RACK1: variants seen among roughly 807,000 people sequenced by gnomAD.
RACK1 encodes receptor for activated C kinase 1.
A neutral mutation model predicts 42.2 loss-of-function variants in RACK1; 3 were observed. The observed-to-expected ratio is 0.07, with a 90% CI of 0.03 to 0.18. RACK1 has a LOEUF of 0.18. RACK1 is among the 10% of genes least tolerant of loss of function. The pLI, the probability that RACK1 is intolerant of heterozygous loss-of-function variation, is 1.00. For synonymous variants in RACK1, 181 were observed against 154.8 expected (o/e 1.17, Z -1.25); for missense variants, 146 against 403.2 (o/e 0.36, Z 5.46).
At chr5:181,242,623 T>G (rs960791484) in intron 1 of RACK1, 2 of 486,530 alleles carry the variant, frequency 4.1e-6, no homozygotes, top group Non-Finnish European at 4.0e-6. Flanking sequence ...AGTGGCATGA[T>G]CTCGGCTCAC....
rs1283510738 is a variant in RACK1, at chr5:181,243,850, G to A, written c.-50C>T. On this transcript the variant is annotated 5_prime_UTR_variant, in exon 1 of 8. Transcript: ENST00000512805. ...TGCAGCGACGAGGATGGCACTGGAT[G>A]GCTTAGAGAAACTAGCACCACAACC... 1 of 1,547,928 alleles carries A rather than the reference G, an allele frequency of 6.5e-7. No homozygotes were observed.
Position 181,243,818 on chromosome 5 carries a change from G to A in RACK1, c.-18C>T, listed in dbSNP as rs369560198. 1.3e-6 allele frequency: 2 copies of A among 1,591,828 alleles called. No individual in the cohort carries two copies. Among genetic ancestry groups the A allele is most frequent in the East Asian group, 2.3e-5 (1 of 43,886 alleles). On this transcript the variant is annotated 5_prime_UTR_variant, in exon 1 of 8. Transcript: ENST00000512805. ...TCAGTCATGGCGGCGGCGAGAGCGT[G>A]TGTCGCTGCAGCGACGAGGATGGCA... is the stretch of plus-strand genomic sequence containing the variant.
intron 1 of RACK1, 52 bp downstream of exon 1, chr5:181,243,640 G>A: frequency 1.3e-6 from 2 of 1,545,892 alleles, no homozygotes; most frequent in Non-Finnish European, 1.7e-6. Flanking sequence ...CACGACACGC[G>A]GAATCCCCCA....
chr5:181,240,309 C>T (rs770656122), intron 3 of RACK1: 65 of 156,018 alleles, frequency 4.2e-4, no homozygotes, highest in Non-Finnish European at 8.1e-4. Context: ...GAGCCGAGAT[C>T]GCACTACTGC....
chr5:181,242,867 GA>G (rs1349797636), intron 1 of RACK1: 1 of 329,712 alleles, frequency 3.0e-6, no homozygotes, highest in East Asian at 9.0e-5. Flanking sequence ...CCTGTATCCT[GA>G]GAACTTAATT....
chr5:181,238,809 CAAAA>C (rs1011732504), intron 5 of RACK1: 33 of 447,802 alleles, frequency 7.4e-5, no homozygotes, highest in South Asian at 2.3e-4. Flanking sequence ...AAAAAAAAAA[CAAAA>C]AACAAACAAA....
chr5:181,239,025 C>T lies in RACK1; in HGVS notation c.636+42G>A, dbSNP rs751361972. 80 of 1,271,474 alleles carry T rather than the reference C, an allele frequency of 6.3e-5. No individual in the cohort carries two copies. In the East Asian group the frequency reaches 1.0e-3, roughly 17 times the overall value. 78.8% of individuals were successfully genotyped at this position (1,271,474 alleles called of 1,614,324 possible). A position where few individuals can be genotyped will look rare whatever the true frequency, so the allele number is the denominator to read the frequency against. The stretch of plus-strand genomic sequence containing the variant: ...CGCTGGCTAAGTGCTCCTTCCATGA[C>T]GCTGTCTTCCACTGAGTAGGAGACG... On this transcript the variant is annotated intron_variant, in intron 5 of 7. Transcript: ENST00000512805.
Position 181,241,555 on chromosome 5 carries a change from A to G in RACK1, c.366T>C (p.Ser122=), listed in dbSNP as rs11540163. The change falls in exon 3 of 8, where the codon TCT becomes TCC. Residue 122 remains serine (S), a synonymous_variant. Coordinates refer to ENST00000512805, the MANE Select transcript of RACK1 (RefSeq NM_006098.5). Reference sequence around the variant, plus strand: ...GCTTGATGGTTTTATCTCGAGATCCAGAGACAATCTGCCGGTTGTCAGAGG... The same window carrying G: ...GCTTGATGGTTTTATCTCGAGATCCGGAGACAATCTGCCGGTTGTCAGAGG... ...AFSSDNRQIV[S]GSRDKTIKLW... 6.2e-7 allele frequency: 1 copy of G among 1,613,870 alleles called. No homozygotes were observed. The highest frequency in any genetic ancestry group is 1.7e-5 in the Admixed American group (1 of 60,014).
chr5:181,242,034 C>A (rs889256648), intron 2 of RACK1, 140 bp downstream of exon 2: 1 of 829,408 alleles, frequency 1.2e-6, no homozygotes, highest in South Asian at 1.5e-5. Context: ...GTGAGGGAGG[C>A]CAAACATCTT....
intron 3 of RACK1, chr5:181,241,244 C>T: frequency 2.6e-6 from 1 of 385,500 alleles, no homozygotes; most frequent in East Asian, 4.6e-5. Flanking sequence ...CCCTGGGCAA[C>T]ATGGTGAAAC....
At chr5:181,243,482 A>G (rs1759434676) in intron 1 of RACK1, 3 of 1,460,318 alleles carry the variant, frequency 2.1e-6, no homozygotes, top group South Asian at 1.4e-5. Context: ...GCTGATGTAC[A>G]CGTAGGTTCT....
At chr5:181,238,388 C>T in intron 5 of RACK1, 149 bp from the exon 6 acceptor site, 2 of 728,206 alleles carry the variant, frequency 2.7e-6, no homozygotes, top group South Asian at 1.8e-5. Context: ...CAATATTTAT[C>T]TCTGTATACC....
Position 181,238,317 on chromosome 5 carries a change from A to G in RACK1, c.637-78T>C, listed in dbSNP as rs1026878891. ...TCTGCCCATCTCAAGATTCTGTCAGAATCAATTCTTACCTTTCCTCCATTA... is the reference window on the plus strand; with the variant it reads ...TCTGCCCATCTCAAGATTCTGTCAGGATCAATTCTTACCTTTCCTCCATTA... On this transcript the variant is annotated intron_variant, in intron 5 of 7. Coordinates refer to ENST00000512805, the MANE Select transcript of RACK1 (RefSeq NM_006098.5). 1.1e-5 allele frequency: 16 copies of G among 1,477,678 alleles called. No homozygotes were observed. In the East Asian group the frequency reaches 3.6e-4, roughly 34 times the overall value. The allele number at this position is 1,477,678 out of a possible 1,614,324, so 91.5% of individuals were successfully genotyped here. A position where few individuals can be genotyped will look rare whatever the true frequency, so the allele number is the denominator to read the frequency against.
At chr5:181,237,107 G>A (rs1759165515) in intron 7 of RACK1, 65 bp from the exon 8 acceptor site, 6 of 1,603,396 alleles carry the variant, frequency 3.7e-6, no homozygotes, top group Admixed American at 3.4e-5. Flanking sequence ...ACTAGATTCA[G>A]CCCAAGTGGC....
At position 181,237,476 on chromosome 5, in the gene RACK1, C is replaced by T. The variant is rs1490231430; in HGVS notation, c.888+133G>A. On this transcript the variant is annotated intron_variant, in intron 7 of 7. Coordinates refer to ENST00000512805, the MANE Select transcript of RACK1 (RefSeq NM_006098.5). ...CTGGCATGGCAAACGAGGGCATCCT[C>T]ATCAACCTGGCTTGTCATTTCACTT... The T allele has an allele frequency of 5.9e-6, 4 of 682,616 alleles. No individual in the cohort carries two copies. In the East Asian group the frequency reaches 1.1e-4, roughly 18 times the overall value. The allele number at this position is 682,616 out of a possible 1,614,324, so 42.3% of individuals were successfully genotyped here. A position where few individuals can be genotyped will look rare whatever the true frequency, so the allele number is the denominator to read the frequency against.
chr5:181,239,736 A>T (rs1038609108), intron 3 of RACK1, among the ~76,000 whole-genome samples, 154 bp from the exon 4 acceptor site: 2 of 152,230 alleles, frequency 1.3e-5, no homozygotes, highest in Non-Finnish European at 2.9e-5. Context: ...TTTAGATTCC[A>T]GACAAGAAAA....
At chr5:181,242,146 C>T (rs1489012651) in intron 2 of RACK1, 28 bp downstream of exon 2, 1 of 1,595,106 alleles carries the variant, frequency 6.3e-7, no homozygotes, top group Non-Finnish European at 8.6e-7. Flanking sequence ...CTTCCCAAGG[C>T]CCCAGAGCTA....
At chr5:181,243,016 C>A (rs578199273) in intron 1 of RACK1, 59 of 347,636 alleles carry the variant, frequency 1.7e-4, no homozygotes, top group African/African-American at 1.2e-3. Flanking sequence ...CTCTGAGGGC[C>A]GACAGAAATG....
chr5:181,237,037 C>T lies in RACK1; in HGVS notation c.894G>A (p.Leu298=), dbSNP rs1324649914. 4 of 1,614,074 alleles carry T rather than the reference C, an allele frequency of 2.5e-6. No homozygotes were observed. Among genetic ancestry groups the T allele is most frequent in the East Asian group, 4.5e-5 (2 of 44,880 alleles). The change falls in exon 8 of 8, where the codon CTG becomes CTA. Residue 298 remains leucine (L), a synonymous_variant. Transcript: ENST00000512805. ...SLAWSADGQT[L]FAGYTDNLVR... ...CCAGGTTGTCCGTGTAGCCAGCAAA[C>T]AGAGTCTGCAGGGAAGAAATGACAG... is the stretch of plus-strand genomic sequence containing the variant.
Sources: gnomAD v4.1 joint callset for allele counts (sites outside exome capture counted in the v4.1 genomes callset) on GRCh38, gnomAD v4.1.1 for gene constraint, MANE v1.5 for transcripts, NCBI Gene and HGNC (gene_info 2026-07-23, HGNC 2026-07-21) for gene names.